Variants in DIAPH1 observed in about 807,000 individuals in gnomAD.
The protein encoded by DIAPH1 is diaphanous related formin 1.
DIAPH1 carries 46 observed loss-of-function variants against 140.7 expected under a neutral mutation model. That is an observed-to-expected ratio of 0.33 (90% CI 0.26 to 0.42). DIAPH1 has a LOEUF of 0.42. Among genes scored for constraint, DIAPH1 ranks in the 10% least tolerant of loss-of-function variants. The pLI is 1.00. For synonymous variants in DIAPH1, 565 were observed against 551.6 expected, an observed-to-expected ratio of 1.02 and a Z score of -0.34; for missense variants, 1,310 against 1,558.7, an observed-to-expected ratio of 0.84 and a Z score of 2.69.
At chr5:141,606,001 T>C (rs925766080) in intron 1 of DIAPH1, among the ~76,000 whole-genome samples, 1 of 152,202 alleles carries the variant, frequency 6.6e-6, no homozygotes, top group Non-Finnish European at 1.5e-5. Context: ...CCTCTAAGCC[T>C]GACACACATC....
At chr5:141,582,110 T>C in intron 7 of DIAPH1, 1 of 414,794 alleles carries the variant, frequency 2.4e-6, no homozygotes, top group Non-Finnish European at 4.4e-6. Flanking sequence ...AAATTGAGCC[T>C]GTCCTCTGAA....
In DIAPH1 at chr5:141,611,224, C is replaced by G. The variant is rs545960138; in HGVS notation, c.117+7574G>C. On this transcript the variant is annotated intron_variant, in intron 1 of 27. Coordinates refer to ENST00000389054, the MANE Select transcript of DIAPH1 (RefSeq NM_005219.5). Reference sequence around the variant, plus strand: ...TTGTGCCACTGCACTCCAGACCAGGCAACAAAGTGAGATCCATTCTCTTTT... The same window carrying G: ...TTGTGCCACTGCACTCCAGACCAGGGAACAAAGTGAGATCCATTCTCTTTT... 3.9e-5 allele frequency among the ~76,000 whole-genome samples: 6 copies of G among 152,186 alleles called. No individual in the cohort carries two copies. The South Asian group carries it at 1.2e-3, about 32-fold the overall frequency.
At chr5:141,605,069 A>C (rs1029168999) in intron 1 of DIAPH1, among the ~76,000 whole-genome samples, 3 of 152,186 alleles carry the variant, frequency 2.0e-5, no homozygotes, top group African/African-American at 7.2e-5. Context: ...TATATCATGT[A>C]CTGTTCTCTT....
At chr5:141,605,412 A>G (rs1488491440) in intron 1 of DIAPH1, among the ~76,000 whole-genome samples, 1 of 152,170 alleles carries the variant, frequency 6.6e-6, no homozygotes, top group Non-Finnish European at 1.5e-5. Flanking sequence ...AAAAATATAT[A>G]TGTGTTTTCA....
At chr5:141,577,863 CTCAAAG>C (rs1026531301) in intron 11 of DIAPH1, 16 of 496,564 alleles carry the variant, frequency 3.2e-5, no homozygotes, top group African/African-American at 2.7e-4. Flanking sequence ...AGGTAACTGC[CTCAAAG>C]TCACTTACTG....
At chr5:141,594,676 G>A (rs2099899029) in intron 1 of DIAPH1, among the ~76,000 whole-genome samples, 2 of 151,852 alleles carry the variant, frequency 1.3e-5, no homozygotes, top group African/African-American at 4.8e-5. Context: ...CTGGGAGGCA[G>A]AGGTTGCAGT....
chr5:141,583,292 A>G lies in DIAPH1; in HGVS notation c.534T>C (p.Ser178=). 1 of 1,614,064 alleles carries G rather than the reference A, an allele frequency of 6.2e-7. No homozygotes were observed. ...LRVSLNNNPV[S]WVQTFGAEGL... is the part of the protein sequence containing the mutation. Reference sequence around the variant, plus strand: ...CTTCAGCACCAAATGTTTGCACCCAACTGTAAGGAACAGAGAGAGGCAATG... The same window carrying G: ...CTTCAGCACCAAATGTTTGCACCCAGCTGTAAGGAACAGAGAGAGGCAATG... The change falls in exon 6 of 28, where the codon AGT becomes AGC. Residue 178 remains serine (S), a splice_region_variant and synonymous_variant. Transcript: ENST00000389054.
intron 27 of DIAPH1, among the ~76,000 whole-genome samples, chr5:141,519,741 G>A (rs538561122): frequency 1.3e-5 from 2 of 152,310 alleles, no homozygotes; most frequent in South Asian, 2.1e-4. Context: ...GTCAGGGGAT[G>A]AGAAAGCTCT....
intron 18 of DIAPH1, chr5:141,561,987 T>A (rs984760069): frequency 3.3e-5 from 5 of 152,214 alleles, no homozygotes; most frequent in Admixed American, 6.5e-5. Flanking sequence ...CCTGTTCAAG[T>A]ATCACACTCG....
Position 141,582,313 on chromosome 5 carries a change from T to C in DIAPH1, c.683A>G (p.Lys228Arg). 1 of 1,613,540 alleles carries C rather than the reference T, an allele frequency of 6.2e-7. No homozygotes were observed. The highest frequency in any genetic ancestry group is 1.1e-5 in the South Asian group (1 of 91,066). Residue 228 changes from lysine to arginine, a missense_variant and splice_region_variant, in exon 7 of 28, where the codon AAG (lysine) becomes AGG (arginine). Lys to Arg is a conservative substitution (Grantham distance 26). This residue lies in a region of DIAPH1 where 377 missense variants were observed against 497.1 expected (regional missense o/e 0.76). Transcript: ENST00000389054. ...GAATGAGAATGGGAAAAATCTCACCTTGTTGTTCATAAAAGCTTTCAAGCA... is the reference window on the plus strand; with the variant it reads ...GAATGAGAATGGGAAAAATCTCACCCTGTTGTTCATAAAAGCTTTCAAGCA... ...IRCLKAFMNN[K>R]FGIKTMLETE...
chr5:141,607,422 C>T (rs1033804405), intron 1 of DIAPH1, among the ~76,000 whole-genome samples: 21 of 152,170 alleles, frequency 1.4e-4, no homozygotes, highest in African/African-American at 4.6e-4. Context: ...ATAAACTTAA[C>T]TTTTTAAACT....
chr5:141,541,976 C>T (rs1315824761), intron 18 of DIAPH1, among the ~76,000 whole-genome samples: 1 of 152,160 alleles, frequency 6.6e-6, no homozygotes, highest in East Asian at 1.9e-4. Flanking sequence ...AATCGATCTA[C>T]AGATTCAACA....
intron 18 of DIAPH1, chr5:141,561,864 T>C (rs1217601429): frequency 6.6e-6 from 1 of 152,102 alleles, no homozygotes; most frequent in African/African-American, 2.4e-5. Context: ...GAGCAATTCA[T>C]CTCCAGAACA....
At chr5:141,550,940 C>G (rs1231583400) in intron 18 of DIAPH1, among the ~76,000 whole-genome samples, 9 of 152,168 alleles carry the variant, frequency 5.9e-5, no homozygotes, top group Admixed American at 5.9e-4. Context: ...CTATAATGCC[C>G]TTGCAGGTGA....
Position 141,573,772 on chromosome 5 carries a change from G to A in DIAPH1, c.2078C>T (p.Pro693Leu), listed in dbSNP as rs1452397026. 7.1e-7 allele frequency: 1 copy of A among 1,409,680 alleles called. No individual in the cohort carries two copies. The highest frequency in any genetic ancestry group is 9.4e-7 in the Non-Finnish European group (1 of 1,058,892). 87.3% of individuals were successfully genotyped at this position (1,409,680 alleles called of 1,614,324 possible). ...GSARIPPPPP[P>L]LPGSAGIPPP... is the part of the protein sequence containing the mutation. The stretch of plus-strand genomic sequence containing the variant: ...GGGAATTCCAGCACTCCCAGGCAAA[G>A]GAGGTGGTGGTGGGGGGATTCTAGC... Residue 693 changes from proline (P) to leucine (L), a missense_variant, in exon 16 of 28, where the codon CCT (proline) becomes CTT (leucine). Physicochemically the swap from Pro to Leu is moderately conservative, Grantham distance 98 (BLOSUM62 -3). Coordinates refer to ENST00000389054, the MANE Select transcript of DIAPH1 (RefSeq NM_005219.5).
chr5:141,521,873 A>G (rs186051915), intron 27 of DIAPH1, among the ~76,000 whole-genome samples: 2 of 152,324 alleles, frequency 1.3e-5, no homozygotes, highest in Admixed American at 6.5e-5. Context: ...CACAAAAAAA[A>G]TATTAGAGCT....
chr5:141,524,392 T>G (rs2099886986), intron 26 of DIAPH1, 163 bp from the exon 27 acceptor site: 1 of 700,066 alleles, frequency 1.4e-6, no homozygotes, highest in Non-Finnish European at 2.6e-6. Context: ...TCTCACACGC[T>G]CATGTTTACT....
At chr5:141,536,530 A>G (rs2099889048) in intron 18 of DIAPH1, among the ~76,000 whole-genome samples, 1 of 152,160 alleles carries the variant, frequency 6.6e-6, no homozygotes, top group Non-Finnish European at 1.5e-5. Flanking sequence ...TAGATAAAAT[A>G]GTATACTATA....
chr5:141,588,658 C>A (rs1450768491), intron 1 of DIAPH1, among the ~76,000 whole-genome samples: 1 of 152,070 alleles, frequency 6.6e-6, no homozygotes, highest in African/African-American at 2.4e-5. Context: ...CACAGACCAA[C>A]AGGAACTCTT....
Sources: allele counts gnomAD v4.1 joint callset (sites outside exome capture counted in the v4.1 genomes callset), GRCh38; gene constraint gnomAD v4.1.1; regional missense constraint gnomAD v4.1.1; transcripts MANE v1.5; gene names NCBI Gene and HGNC (gene_info 2026-07-23, HGNC 2026-07-21).